CDK5RAP2: variants seen among roughly 807,000 people sequenced by gnomAD.
CDK5RAP2 encodes the protein CDK5 regulatory subunit-associated protein 2.
Under a neutral mutation model 232.9 loss-of-function variants are expected in CDK5RAP2, and 147 were observed. That is an observed-to-expected ratio of 0.63 (90% confidence interval 0.55 to 0.72). The LOEUF (loss-of-function observed/expected upper bound fraction) is 0.72. CDK5RAP2 is among the 30% of genes least tolerant of loss of function. CDK5RAP2 has a pLI of 0.00. For synonymous variants in CDK5RAP2, 833 were observed against 833.7 expected (o/e 1.00, Z 0.01); for missense variants, 2,195 against 2,231.5 (o/e 0.98, Z 0.33).
At position 120,402,979 on chromosome 9, in the gene CDK5RAP2, GGCGGGACACACACGGAGT is replaced by G. The variant is rs2033160031; in HGVS notation, c.5116_5133del (p.Thr1706_Arg1711del). ...GCCCACAGGTGGTGGCCAGTGACCA[GGCGGGACACACACGGAGT>G]GCTAGTTGCCGAACTGCCACTGTCG... On this transcript the variant is annotated inframe_deletion, in exon 34 of 38. Coordinates refer to ENST00000349780, the MANE Select transcript of CDK5RAP2 (RefSeq NM_018249.6). 1.9e-6 allele frequency: 3 copies of G among 1,614,214 alleles called. No individual in the cohort carries two copies. The highest frequency in any genetic ancestry group is 1.7e-6 in the Non-Finnish European group (2 of 1,180,044).
chr9:120,572,066 A>T (rs1331709375), intron 1 of CDK5RAP2, 25 bp from the exon 2 acceptor site: 1 of 1,543,050 alleles, frequency 6.5e-7, no homozygotes, highest in Non-Finnish European at 9.0e-7. Context: ...ATGAGATAAG[A>T]GATGAGCTAA....
At chr9:120,470,063 A>T in intron 17 of CDK5RAP2, 48 bp downstream of exon 17, 5 of 949,684 alleles carry the variant, frequency 5.3e-6, no homozygotes, top group Non-Finnish European at 8.4e-6. Context: ...TACAACAAAC[A>T]ATCTAACAAA....
Position 120,400,776 on chromosome 9 carries a change from G to A in CDK5RAP2, c.5417C>T (p.Pro1806Leu). Residue 1806 changes from proline to leucine, a missense_variant, in exon 35 of 38, where the codon CCC becomes CTC. Physicochemically the swap from Pro to Leu is moderately conservative, Grantham distance 98 (BLOSUM62 -3). Coordinates refer to ENST00000349780, the MANE Select transcript of CDK5RAP2 (RefSeq NM_018249.6). Reference sequence around the variant, plus strand: ...GTGAAGGGGGCACTGGCCATCCTCGGGGAGTGAGACTCTCCAGAGAAGCTT... The same window carrying A: ...GTGAAGGGGGCACTGGCCATCCTCGAGGAGTGAGACTCTCCAGAGAAGCTT... Reference protein sequence around the residue: ...RLKLLWRVSLPEDGQCPLHCE... With the variant: ...RLKLLWRVSLLEDGQCPLHCE... 1 of 1,614,034 alleles carries A rather than the reference G, an allele frequency of 6.2e-7. No homozygotes were observed. The highest frequency in any genetic ancestry group is 8.5e-7 in the Non-Finnish European group (1 of 1,180,024).
chr9:120,471,971 T>C (rs2037733530), intron 15 of CDK5RAP2, 93 bp from the exon 16 acceptor site: 1 of 1,519,854 alleles, frequency 6.6e-7, no homozygotes, highest in Non-Finnish European at 9.1e-7. Flanking sequence ...TTTTATGTCA[T>C]TTGTGTTTTT....
At chr9:120,408,186 G>A (rs1588253608) in intron 31 of CDK5RAP2, 161 bp downstream of exon 31, 1 of 842,496 alleles carries the variant, frequency 1.2e-6, no homozygotes, top group East Asian at 2.5e-5. Flanking sequence ...TGTTCCTTCA[G>A]AAGAAGAGTG....
At position 120,407,224 on chromosome 9, in the gene CDK5RAP2, C is replaced by T; in HGVS notation, c.4751G>A (p.Gly1584Glu). Residue 1584 changes from glycine to glutamate, a missense_variant, in exon 32 of 38, where the codon GGG becomes GAG. Transcript: ENST00000349780. ...GTGCAGGTCCCTGAAAGGATCCTGC[C>T]CCTTCCAGCCTTCTCCCGACGCCTC... is the stretch of plus-strand genomic sequence containing the variant. Reference protein sequence around the residue: ...LREASGEGWKGQDPFRDLHSL... With the variant: ...LREASGEGWKEQDPFRDLHSL... The T allele has an allele frequency of 6.2e-7, 1 of 1,612,902 alleles. No individual in the cohort carries two copies. Among genetic ancestry groups the T allele is most frequent in the Non-Finnish European group, 8.5e-7 (1 of 1,179,792 alleles).
chr9:120,451,921 T>A (rs1025878840), intron 21 of CDK5RAP2, among the ~76,000 whole-genome samples: 2 of 149,036 alleles, frequency 1.3e-5, no homozygotes, highest in African/African-American at 4.9e-5. Flanking sequence ...CAATCCCTAA[T>A]AGATACTAAA....
At chr9:120,555,569 C>A (rs796658131) in intron 3 of CDK5RAP2, among the ~76,000 whole-genome samples, 50 of 152,294 alleles carry the variant, frequency 3.3e-4, no homozygotes, top group African/African-American at 1.2e-3. Context: ...ATACCAAGTG[C>A]TGATGTAGAA....
chr9:120,527,829 C>A lies in CDK5RAP2; in HGVS notation c.976G>T (p.Ala326Ser), dbSNP rs202160981. Residue 326 changes from alanine (A) to serine (S), a missense_variant, in exon 10 of 38, where the codon GCA (alanine) becomes TCA (serine). Physicochemically the swap from Ala to Ser is moderately conservative, Grantham distance 99. Coordinates refer to ENST00000349780, the MANE Select transcript of CDK5RAP2 (RefSeq NM_018249.6). ...ACCTTTTTTTCCTTTGATTTTAATG[C>A]CATGGTTAAACCCTGAATGGCTTTA... ...RDKAIQGLTM[A>S]LKSKEKKVEE... The A allele has an allele frequency of 2.9e-5, 46 of 1,613,592 alleles. No individual in the cohort carries two copies. Among genetic ancestry groups the A allele is most frequent in the Non-Finnish European group, 3.9e-5 (46 of 1,179,934 alleles).
At chr9:120,511,194 ATGT>A (rs2040064674) in intron 12 of CDK5RAP2, among the ~76,000 whole-genome samples, 2 of 152,188 alleles carry the variant, frequency 1.3e-5, no homozygotes, top group East Asian at 1.9e-4. Flanking sequence ...CTGGCAATAA[ATGT>A]TGTTGGCATG....
At chr9:120,490,458 G>T (rs1564290349) in intron 13 of CDK5RAP2, among the ~76,000 whole-genome samples, 1 of 152,316 alleles carries the variant, frequency 6.6e-6, no homozygotes, top group South Asian at 2.1e-4. Context: ...TGAGGAGAGT[G>T]TCACCTCTAA....
rs965842661 is a variant in CDK5RAP2, at chr9:120,491,968, A to G, written c.1312-491T>C. 2.0e-5 allele frequency among the ~76,000 whole-genome samples: 3 copies of G among 152,130 alleles called. No homozygotes were observed. In the East Asian group the frequency reaches 5.8e-4, roughly 29 times the overall value. The stretch of plus-strand genomic sequence containing the variant: ...TCCATTTTTTTTACTTATTTTTCTA[A>G]GTTTCCACAATTTCTAAATAATCCT... On this transcript the variant is annotated intron_variant, in intron 12 of 37. Coordinates refer to ENST00000349780, the MANE Select transcript of CDK5RAP2 (RefSeq NM_018249.6).
At chr9:120,562,404 T>C (rs543248573) in intron 3 of CDK5RAP2, among the ~76,000 whole-genome samples, 3 of 152,182 alleles carry the variant, frequency 2.0e-5, no homozygotes, top group East Asian at 3.9e-4. Context: ...CCCCTGTACT[T>C]AACACTTTTA....
intron 25 of CDK5RAP2, among the ~76,000 whole-genome samples, chr9:120,427,404 T>C (rs2034982391): frequency 6.6e-6 from 1 of 152,204 alleles, no homozygotes; most frequent in East Asian, 1.9e-4. Context: ...CACAAACATC[T>C]CTATAAGACA....
intron 12 of CDK5RAP2, among the ~76,000 whole-genome samples, chr9:120,516,127 C>T (rs2040325791): frequency 6.6e-6 from 1 of 151,992 alleles, no homozygotes; most frequent in Non-Finnish European, 1.5e-5. Flanking sequence ...AAATGTCCAA[C>T]AATGATAGAC....
chr9:120,456,009 G>A (rs2036752649), intron 20 of CDK5RAP2, among the ~76,000 whole-genome samples: 1 of 152,184 alleles, frequency 6.6e-6, no homozygotes, highest in South Asian at 2.1e-4. Flanking sequence ...ATTCACAATT[G>A]AGGAAATAGA....
chr9:120,479,996 A>C (rs562467986), intron 14 of CDK5RAP2, among the ~76,000 whole-genome samples: 46 of 152,212 alleles, frequency 3.0e-4, no homozygotes, highest in Non-Finnish European at 5.9e-4. Context: ...ACTTTCTCTC[A>C]AAAGGCTCAG....
At chr9:120,476,141 G>A (rs1333352121) in intron 15 of CDK5RAP2, among the ~76,000 whole-genome samples, 1 of 151,908 alleles carries the variant, frequency 6.6e-6, no homozygotes, top group African/African-American at 2.4e-5. Flanking sequence ...GGTAAGAGCA[G>A]AGGACATATG....
At chr9:120,434,064 G>T (rs868624016) in intron 25 of CDK5RAP2, among the ~76,000 whole-genome samples, 1 of 152,212 alleles carries the variant, frequency 6.6e-6, no homozygotes, top group Non-Finnish European at 1.5e-5. Context: ...ATGGTTACGG[G>T]TAGTAAACAC....
Sources: gnomAD v4.1 joint callset for allele counts (sites outside exome capture counted in the v4.1 genomes callset) on GRCh38, gnomAD v4.1.1 for gene constraint, MANE v1.5 for transcripts, NCBI Gene and HGNC (gene_info 2026-07-23, HGNC 2026-07-21) for gene names.